The following GPHN variants were observed in gnomAD, a reference collection of about 807,000 sequenced individuals.
GPHN encodes the protein gephyrin.
In GPHN, 17 loss-of-function variants were observed where a neutral mutation model predicts 95.5. That is an observed-to-expected ratio of 0.18 (90% confidence interval 0.12 to 0.27). GPHN has a LOEUF of 0.27. GPHN is among the 10% of genes least tolerant of loss of function. The pLI is 1.00. For missense variants in GPHN, 660 were observed against 978.1 expected (o/e 0.67, Z 4.34); for synonymous variants, 320 against 322.5 (o/e 0.99, Z 0.08).
At chr14:67,723,640 A>G in the GPHN span, among the ~76,000 whole-genome samples, 1 of 152,182 alleles carries the variant, frequency 6.6e-6, no homozygotes, top group African/African-American at 2.4e-5. Flanking sequence ...TGCCACCACT[A>G]TGTGACATGA....
intron 4 of GPHN, among the ~76,000 whole-genome samples, chr14:66,865,738 G>A (rs1484305743): frequency 6.6e-6 from 1 of 152,080 alleles, no homozygotes; most frequent in African/African-American, 2.4e-5. Flanking sequence ...TGGAAGAGAG[G>A]ATCTGAGTTT....
At chr14:66,908,102 A>G (rs2065474946) in intron 5 of GPHN, among the ~76,000 whole-genome samples, 2 of 152,170 alleles carry the variant, frequency 1.3e-5, no homozygotes, top group African/African-American at 4.8e-5. Context: ...AAAATAAATG[A>G]CATATCAATA....
the GPHN span, among the ~76,000 whole-genome samples, chr14:67,687,925 C>T: frequency 6.6e-6 from 1 of 152,026 alleles, no homozygotes; most frequent in East Asian, 1.9e-4. Context: ...GCGCCCGCCA[C>T]CACACCTGGC....
At chr14:66,940,510 G>A (rs751783203) in intron 8 of GPHN, among the ~76,000 whole-genome samples, 4 of 152,172 alleles carry the variant, frequency 2.6e-5, no homozygotes, top group East Asian at 1.9e-4. Context: ...TGTTAACAGG[G>A]GGAGCTAAGG....
chr14:67,409,934 C>A, the GPHN span, among the ~76,000 whole-genome samples: 1 of 152,172 alleles, frequency 6.6e-6, no homozygotes, highest in Non-Finnish European at 1.5e-5. Flanking sequence ...CAACAGGGTT[C>A]TGGGGCCCTA....
At chr14:67,086,907 G>A (rs2076918483) in intron 11 of GPHN, among the ~76,000 whole-genome samples, 1 of 150,724 alleles carries the variant, frequency 6.6e-6, no homozygotes, top group South Asian at 2.1e-4. Flanking sequence ...GTGTGGTGGC[G>A]GGCGCCTGTA....
chr14:67,578,109 C>T, the GPHN span: 1 of 1,613,698 alleles, frequency 6.2e-7, no homozygotes, highest in Non-Finnish European at 8.5e-7. The surrounding 1 kb of genome is among the most constrained non-coding windows in gnomAD (Gnocchi z 5.0). Context: ...TGCAGGTCTG[C>T]CTGGTTCACC....
At chr14:67,460,669 T>A in the GPHN span, among the ~76,000 whole-genome samples, 8 of 152,122 alleles carry the variant, frequency 5.3e-5, no homozygotes, top group Admixed American at 4.6e-4. Flanking sequence ...GCACCACTGC[T>A]TTCCAGCCTG....
At chr14:66,650,060 AT>A (rs760880279) in intron 1 of GPHN, among the ~76,000 whole-genome samples, 1 of 151,596 alleles carries the variant, frequency 6.6e-6, no homozygotes, top group Non-Finnish European at 1.5e-5. Context: ...AGACCCAATG[AT>A]GAGATAGCAG....
chr14:66,710,751 A>C (rs2069540573), intron 2 of GPHN, among the ~76,000 whole-genome samples: 1 of 152,286 alleles, frequency 6.6e-6, no homozygotes, highest in South Asian at 2.1e-4. Flanking sequence ...TTTTCCACTA[A>C]ATAGGGCTTT....
intron 1 of GPHN, among the ~76,000 whole-genome samples, chr14:66,598,777 G>T (rs1456500772): frequency 1.3e-5 from 2 of 151,188 alleles, no homozygotes; most frequent in Non-Finnish European, 2.9e-5. Context: ...CACGGAGGTT[G>T]CAGTGAGCTG....
chr14:67,469,679 C>T, the GPHN span, among the ~76,000 whole-genome samples: 4 of 151,768 alleles, frequency 2.6e-5, no homozygotes, highest in East Asian at 7.8e-4. Context: ...GGTGGGAGGA[C>T]AGGGAAGCTC....
intron 3 of GPHN, among the ~76,000 whole-genome samples, chr14:66,820,734 C>T (rs929210050): frequency 2.0e-5 from 3 of 152,110 alleles, no homozygotes; most frequent in African/African-American, 4.8e-5. Flanking sequence ...AACTGTGTGT[C>T]TCAAAGATCT....
At position 67,180,967 on chromosome 14, in the gene GPHN, A is replaced by C. The variant is rs926924833; in HGVS notation, c.*30A>C. On this transcript the variant is annotated 3_prime_UTR_variant, in exon 23 of 23. Transcript: ENST00000478722. ...CACCAGCAGGAGAAAGCTTTGATGC[A>C]TGTCCACATATCATTGACTGTATCC... is the stretch of plus-strand genomic sequence containing the variant. 1 of 1,610,216 alleles carries C rather than the reference A, an allele frequency of 6.2e-7. No individual in the cohort carries two copies. Among genetic ancestry groups the C allele is most frequent in the Non-Finnish European group, 8.5e-7 (1 of 1,176,718 alleles).
intron 8 of GPHN, among the ~76,000 whole-genome samples, chr14:66,944,365 C>T (rs981461730): frequency 6.6e-6 from 1 of 152,176 alleles, no homozygotes; most frequent in Non-Finnish European, 1.5e-5. Context: ...GAGGCTAGAA[C>T]AAAACATTGC....
chr14:67,585,778 A>C, the GPHN span: 1 of 995,922 alleles, frequency 1.0e-6, no homozygotes, highest in Non-Finnish European at 1.5e-6. Flanking sequence ...CTCCTGCCCA[A>C]GCACCAGTCC....
At chr14:67,363,087 A>G in the GPHN span, among the ~76,000 whole-genome samples, 1 of 152,174 alleles carries the variant, frequency 6.6e-6, no homozygotes, top group Admixed American at 6.5e-5. Flanking sequence ...TCACTGGTCA[A>G]ATGTCTTGCA....
At chr14:67,256,436 A>G in the GPHN span, among the ~76,000 whole-genome samples, 1 of 152,232 alleles carries the variant, frequency 6.6e-6, no homozygotes, top group Non-Finnish European at 1.5e-5. Flanking sequence ...AGAAACCATG[A>G]AATTAATTTT....
chr14:66,645,213 C>T (rs1248723358), intron 1 of GPHN, among the ~76,000 whole-genome samples: 1 of 152,010 alleles, frequency 6.6e-6, no homozygotes, highest in Non-Finnish European at 1.5e-5. Context: ...TAACATGGTA[C>T]TTAAAAACCT....
Sources: allele counts gnomAD v4.1 joint callset (sites outside exome capture counted in the v4.1 genomes callset), GRCh38; gene constraint gnomAD v4.1.1; non-coding constraint Gnocchi (gnomAD v3.1); transcripts MANE v1.5; gene names NCBI Gene and HGNC (gene_info 2026-07-23, HGNC 2026-07-21).